The following FNIP1 variants were observed in gnomAD, a reference collection of about 807,000 sequenced individuals.
FNIP1 encodes the protein folliculin interacting protein 1.
A neutral mutation model predicts 124.5 loss-of-function variants in FNIP1; 40 were observed. The observed-to-expected ratio is 0.32, with a 90% confidence interval of 0.25 to 0.42. The LOEUF (loss-of-function observed/expected upper bound fraction) is 0.42, where lower values mean the gene tolerates loss of function less well. Ranked by LOEUF, FNIP1 falls within the 10% of genes least tolerant of loss-of-function variation. The pLI is 1.00. For synonymous variants in FNIP1, 472 were observed against 470.6 expected (o/e 1.00, Z -0.04); for missense variants, 1,176 against 1,403.7 (o/e 0.84, Z 2.59).
intron 1 of FNIP1, among the ~76,000 whole-genome samples, chr5:131,757,904 T>C (rs1284566112): frequency 1.3e-5 from 2 of 152,174 alleles, no homozygotes; most frequent in Admixed American, 6.5e-5. Flanking sequence ...CAGACATCCC[T>C]AGAGTCATAA....
rs1402698907 is a variant in FNIP1, at chr5:131,763,326, C to CA, written c.93-18637_93-18636insT. Among the ~76,000 whole-genome samples the CA allele has an allele frequency of 3.5e-5, 5 of 143,502 alleles. No homozygotes were observed. The East Asian group carries it at 1.0e-3, about 29-fold the overall frequency. The allele number at this position is 143,502 out of a possible 152,430, so 94.1% of individuals were successfully genotyped here. A position where few individuals can be genotyped will look rare whatever the true frequency, so the allele number is the denominator to read the frequency against. ...ACACACACACACACACACACACACACGACTACAATGGCCAGCAAAAGATTG... is the reference window on the plus strand; with the variant it reads ...ACACACACACACACACACACACACACAGACTACAATGGCCAGCAAAAGATTG... On this transcript the variant is annotated intron_variant, in intron 1 of 17. Transcript: ENST00000510461.
At position 131,647,265 on chromosome 5, in the gene FNIP1, G is replaced by A. The variant is rs930290031; in HGVS notation, c.3307-60C>T. On this transcript the variant is annotated intron_variant, in intron 16 of 17. Transcript: ENST00000510461. ...AAACAGTTTGCAACTCTCAGTCATG[G>A]CAAACTCCAAAACATAATGTTTTTG... The A allele has an allele frequency of 1.6e-5, 19 of 1,202,664 alleles. No homozygotes were observed. In the African/African-American group the frequency reaches 1.9e-4, roughly 12 times the overall value. 74.5% of individuals were successfully genotyped at this position (1,202,664 alleles called of 1,614,324 possible).
chr5:131,709,067 C>A, intron 8 of FNIP1, 134 bp downstream of exon 8: 1 of 690,456 alleles, frequency 1.4e-6, no homozygotes, highest in Non-Finnish European at 2.5e-6. Context: ...TAAGACTTTG[C>A]TCTGGTCTTT....
At chr5:131,683,656 A>G (rs250889) in intron 11 of FNIP1, among the ~76,000 whole-genome samples, 26 of 151,320 alleles carry the variant, frequency 1.7e-4, no homozygotes, top group Non-Finnish European at 3.5e-4. Flanking sequence ...TTTAATGTGT[A>G]TTTTTTTAAT....
intron 1 of FNIP1, among the ~76,000 whole-genome samples, chr5:131,775,690 G>A (rs1771779416): frequency 6.6e-6 from 1 of 151,690 alleles, no homozygotes; most frequent in African/African-American, 2.4e-5. Context: ...ACCACGTCCG[G>A]CTAATTTTTG....
At chr5:131,751,571 G>GA (rs547210498) in intron 1 of FNIP1, among the ~76,000 whole-genome samples, 7,543 of 126,634 alleles carry the variant, frequency 0.06, 247 homozygotes, top group Non-Finnish European at 0.087. Flanking sequence ...TCCACAATCT[G>GA]AAAAAAAAAA....
chr5:131,699,084 A>G, intron 10 of FNIP1, 82 bp from the exon 11 acceptor site: 5 of 922,444 alleles, frequency 5.4e-6, no homozygotes, highest in Non-Finnish European at 8.1e-6. Flanking sequence ...AGACAGAGTC[A>G]CATATTTACA....
chr5:131,686,849 G>A (rs190514381), intron 11 of FNIP1, among the ~76,000 whole-genome samples: 117 of 151,462 alleles, frequency 7.7e-4, no homozygotes, highest in Middle Eastern at 3.5e-3. Context: ...ACAGGCATGC[G>A]CCACCAAGCT....
chr5:131,686,057 G>A (rs1055118244), intron 11 of FNIP1, among the ~76,000 whole-genome samples: 2 of 152,110 alleles, frequency 1.3e-5, no homozygotes, highest in African/African-American at 4.8e-5. Context: ...TAAACCATTA[G>A]GGATAATAAA....
At chr5:131,775,023 G>C (rs943661331) in intron 1 of FNIP1, among the ~76,000 whole-genome samples, 1 of 152,162 alleles carries the variant, frequency 6.6e-6, no homozygotes, top group Non-Finnish European at 1.5e-5. Context: ...TCGGTATTAA[G>C]GTATATAAAA....
intron 15 of FNIP1, among the ~76,000 whole-genome samples, chr5:131,668,821 G>A (rs749198996): frequency 1.1e-4 from 17 of 152,326 alleles, no homozygotes; most frequent in South Asian, 8.3e-4. Context: ...AATGACTGTG[G>A]TTGTGTTCTA....
In FNIP1 at chr5:131,712,596, T is replaced by C. The variant is rs79786521; in HGVS notation, c.623-1935A>G. On this transcript the variant is annotated intron_variant, in intron 6 of 17. Coordinates refer to ENST00000510461, the MANE Select transcript of FNIP1 (RefSeq NM_133372.3). The stretch of plus-strand genomic sequence containing the variant: ...GGAGATTTGTAAAAATATAAAACAA[T>C]GCCACTCTTCTTACTAATTTTTTGG... Among the ~76,000 whole-genome samples, 647 of 152,292 alleles carry C rather than the reference T, an allele frequency of 4.2e-3. 8 individuals carry two copies. The highest frequency in any genetic ancestry group is 0.015 in the African/African-American group (614 of 41,568).
chr5:131,714,938 C>A (rs938022845), intron 6 of FNIP1, among the ~76,000 whole-genome samples: 10 of 152,180 alleles, frequency 6.6e-5, no homozygotes, highest in Admixed American at 5.9e-4. Flanking sequence ...TGGTATATTA[C>A]AGGTGCTCAC....
rs1280429882 is a variant in FNIP1, at chr5:131,672,235, T to A, written c.2209A>T (p.Ile737Phe). ...MVVEKKPPDK[I>F]VPASFSCEAA... ...TCACAAGAAAATGAAGCAGGCACAATCTTATCTGGAGGTTTTTTTTCCACA... is the reference window on the plus strand; with the variant it reads ...TCACAAGAAAATGAAGCAGGCACAAACTTATCTGGAGGTTTTTTTTCCACA... Residue 737 changes from isoleucine (I) to phenylalanine (F), a missense_variant, in exon 14 of 18, where the codon ATT becomes TTT. Physicochemically the swap from Ile to Phe is conservative, Grantham distance 21. This residue lies in a region of FNIP1 where 1,109 missense variants were observed against 1,288.5 expected (regional missense o/e 0.86). Coordinates refer to ENST00000510461, the MANE Select transcript of FNIP1 (RefSeq NM_133372.3). 6.2e-7 allele frequency: 1 copy of A among 1,614,124 alleles called. No individual in the cohort carries two copies. The highest frequency in any genetic ancestry group is 1.1e-5 in the South Asian group (1 of 91,078).
At chr5:131,661,220 TTG>T (rs370206265) in intron 15 of FNIP1, among the ~76,000 whole-genome samples, 139 of 147,710 alleles carry the variant, frequency 9.4e-4, no homozygotes, top group Non-Finnish European at 1.7e-3. Flanking sequence ...TGTCTTTGTT[TTG>T]TGTGTGTGTG....
At chr5:131,724,194 G>C (rs1479456829) in intron 3 of FNIP1, among the ~76,000 whole-genome samples, 2 of 152,140 alleles carry the variant, frequency 1.3e-5, no homozygotes, top group Non-Finnish European at 2.9e-5. Flanking sequence ...CTTTATACTA[G>C]AATGATTTAT....
At chr5:131,749,875 T>C (rs1044292505) in intron 1 of FNIP1, among the ~76,000 whole-genome samples, 4 of 152,104 alleles carry the variant, frequency 2.6e-5, no homozygotes, top group Non-Finnish European at 5.9e-5. Context: ...TAGTAGACTA[T>C]ACCATCTAGT....
chr5:131,781,247 A>G (rs562418745), intron 1 of FNIP1, among the ~76,000 whole-genome samples: 7 of 152,382 alleles, frequency 4.6e-5, no homozygotes, highest in Admixed American at 2.0e-4. Flanking sequence ...AGCCATCTCC[A>G]TTAACATAAA....
chr5:131,730,113 T>C (rs1446976000), intron 3 of FNIP1, among the ~76,000 whole-genome samples: 1 of 152,158 alleles, frequency 6.6e-6, no homozygotes, highest in Non-Finnish European at 1.5e-5. Context: ...GATGGTGTTG[T>C]ATAGCACAGG....
Sources: gnomAD v4.1 joint callset for allele counts (sites outside exome capture counted in the v4.1 genomes callset) on GRCh38, gnomAD v4.1.1 for gene constraint, gnomAD v4.1.1 regional missense constraint, MANE v1.5 for transcripts, NCBI Gene and HGNC (gene_info 2026-07-23, HGNC 2026-07-21) for gene names.